ZSWIM6: variants seen among roughly 807,000 people sequenced by gnomAD.
The protein encoded by ZSWIM6 is zinc finger SWIM domain-containing protein 6.
A neutral mutation model predicts 113.2 loss-of-function variants in ZSWIM6; 9 were observed. The ratio of observed to expected loss-of-function variants is 0.08; its 90% CI spans 0.05 to 0.14. The LOEUF (loss-of-function observed/expected upper bound fraction) is 0.14, where lower values mean the gene tolerates loss of function less well. Ranked by LOEUF, ZSWIM6 falls within the 10% of genes least tolerant of loss-of-function variation. The probability of loss-of-function intolerance (pLI) is 1.00; values close to 1 mark genes in which losing one functional copy is unlikely to be tolerated. For synonymous variants in ZSWIM6, 611 were observed against 606.5 expected (o/e 1.01, Z -0.11); for missense variants, 1,162 against 1,552.2 (o/e 0.75, Z 4.22).
rs955690211 is a variant in ZSWIM6 at position 61,472,148 on chromosome 5, C to G, written c.677-533C>G. On this transcript the variant is annotated intron_variant, in intron 1 of 13. Transcript: ENST00000252744. The surrounding 1 kb of genome is among the most constrained non-coding windows in gnomAD (Gnocchi z 4.1). The stretch of plus-strand genomic sequence containing the variant: ...AGGATTGTCAAATTTAAAAATTTAT[C>G]TGATCAAAGTTTGTGGAAGGGACTC... Among the ~76,000 whole-genome samples the G allele has an allele frequency of 5.9e-5, 9 of 152,276 alleles. No individual in the cohort carries two copies. The South Asian group carries it at 1.2e-3, about 21-fold the overall frequency.
intron 1 of ZSWIM6, among the ~76,000 whole-genome samples, chr5:61,363,448 A>C (rs1039007363): frequency 6.6e-6 from 1 of 152,206 alleles, no homozygotes; most frequent in Non-Finnish European, 1.5e-5. Context: ...ACTTCTGCTG[A>C]GTTCACAAAA....
At chr5:61,431,419 C>T (rs973501581) in intron 1 of ZSWIM6, among the ~76,000 whole-genome samples, 4 of 139,818 alleles carry the variant, frequency 2.9e-5, no homozygotes, top group Non-Finnish European at 6.1e-5. Flanking sequence ...GTAAATAAAT[C>T]GTGATCTTTT....
chr5:61,540,031 C>T (rs1749687970), intron 12 of ZSWIM6, among the ~76,000 whole-genome samples: 1 of 152,174 alleles, frequency 6.6e-6, no homozygotes, highest in African/African-American at 2.4e-5. Context: ...GCCTTAACGA[C>T]ACTGTTTCTC....
chr5:61,411,502 C>T (rs1002839222), intron 1 of ZSWIM6, among the ~76,000 whole-genome samples: 2 of 152,228 alleles, frequency 1.3e-5, no homozygotes, highest in African/African-American at 4.8e-5. Context: ...AATAAGAACA[C>T]TTTAAAATTA....
At position 61,476,727 on chromosome 5, in the gene ZSWIM6, C is replaced by T. The variant is rs867568468; in HGVS notation, c.1033+3690C>T. ...TAGATTTCCAAGTACTAACCCCACCCTCGTAGTTAATTAACTTCGTCTTTT... is the reference window on the plus strand; with the variant it reads ...TAGATTTCCAAGTACTAACCCCACCTTCGTAGTTAATTAACTTCGTCTTTT... On this transcript the variant is annotated intron_variant, in intron 2 of 13. Coordinates refer to ENST00000252744, the MANE Select transcript of ZSWIM6 (RefSeq NM_020928.2). Among the ~76,000 whole-genome samples, 3 of 152,280 alleles carry T rather than the reference C, an allele frequency of 2.0e-5. No individual in the cohort carries two copies. The South Asian group carries it at 6.2e-4, about 32-fold the overall frequency.
At chr5:61,457,046 C>T (rs1415650130) in intron 1 of ZSWIM6, among the ~76,000 whole-genome samples, 1 of 151,722 alleles carries the variant, frequency 6.6e-6, no homozygotes, top group Non-Finnish European at 1.5e-5. Context: ...CCAATGCTAT[C>T]CCTCCCCCAT....
intron 2 of ZSWIM6, among the ~76,000 whole-genome samples, chr5:61,489,310 GAT>G (rs1748117489): frequency 6.6e-6 from 1 of 151,974 alleles, no homozygotes; most frequent in African/African-American, 2.4e-5. Context: ...ATTCTCTGAT[GAT>G]AGAGTCTTCC....
chr5:61,410,037 C>G (rs1368661131), intron 1 of ZSWIM6, among the ~76,000 whole-genome samples: 1 of 152,124 alleles, frequency 6.6e-6, no homozygotes, highest in African/African-American at 2.4e-5. Context: ...ACTTATTTGT[C>G]CTTCATGTTG....
chr5:61,359,382 G>A (rs569868639), intron 1 of ZSWIM6, among the ~76,000 whole-genome samples: 2 of 152,244 alleles, frequency 1.3e-5, no homozygotes, highest in East Asian at 1.9e-4. Flanking sequence ...TTTATGCGGT[G>A]AATGACGTGA....
chr5:61,531,264 A>G (rs1749421158), intron 8 of ZSWIM6, among the ~76,000 whole-genome samples: 1 of 152,200 alleles, frequency 6.6e-6, no homozygotes, highest in South Asian at 2.1e-4. Context: ...TATCCCCCAA[A>G]ACGTAAACAT....
chr5:61,516,452 A>G (rs1319465260), intron 4 of ZSWIM6, among the ~76,000 whole-genome samples: 1 of 146,288 alleles, frequency 6.8e-6, no homozygotes, highest in African/African-American at 2.5e-5. Context: ...ACATATATAT[A>G]TATATAAAAA....
At chr5:61,411,903 C>A (rs535102997) in intron 1 of ZSWIM6, among the ~76,000 whole-genome samples, 28 of 152,288 alleles carry the variant, frequency 1.8e-4, no homozygotes, top group African/African-American at 6.5e-4. Flanking sequence ...GATAAGTATG[C>A]AGACCATAGC....
chr5:61,537,816 CCGG>C (rs762325636), intron 10 of ZSWIM6, among the ~76,000 whole-genome samples: 84 of 152,274 alleles, frequency 5.5e-4, no homozygotes, highest in African/African-American at 1.9e-3. Flanking sequence ...TGACTGAAGG[CCGG>C]CATTTTGATG....
At chr5:61,342,808 G>A (rs1328299866) in intron 1 of ZSWIM6, among the ~76,000 whole-genome samples, 1 of 151,920 alleles carries the variant, frequency 6.6e-6, no homozygotes, top group East Asian at 1.9e-4. Context: ...AACCATTTTT[G>A]TGTGTGTGGT....
intron 1 of ZSWIM6, among the ~76,000 whole-genome samples, chr5:61,338,517 A>G (rs1189067401): frequency 6.6e-6 from 1 of 152,138 alleles, no homozygotes; most frequent in Admixed American, 6.5e-5. Context: ...TATGTAAGTG[A>G]TTTTTGAAAG....
chr5:61,493,891 A>G (rs1748250501), intron 3 of ZSWIM6, among the ~76,000 whole-genome samples: 1 of 152,170 alleles, frequency 6.6e-6, no homozygotes, highest in Non-Finnish European at 1.5e-5. Context: ...TTTCTACTGG[A>G]CATATGAAAC....
At position 61,525,953 on chromosome 5, in the gene ZSWIM6, C is replaced by T; in HGVS notation, c.1667C>T (p.Ser556Phe). The change falls in exon 6 of 14, where the codon TCC becomes TTC. Residue 556 changes from serine (S) to phenylalanine (F), a missense_variant. Physicochemically the swap from Ser to Phe is radical, Grantham distance 155. This residue lies in a region of ZSWIM6 where 620 missense variants were observed against 804.6 expected (regional missense o/e 0.77). Coordinates refer to ENST00000252744, the MANE Select transcript of ZSWIM6 (RefSeq NM_020928.2). ...GACACTGAAAACTCCCTCTTCGACT[C>T]CCGCGGGTGGCCCCTCTGGCATGGT... ...HDDTENSLFD[S>F]RGWPLWHEHV... The T allele has an allele frequency of 6.4e-7, 1 of 1,552,158 alleles. No individual in the cohort carries two copies. Among genetic ancestry groups the T allele is most frequent in the Non-Finnish European group, 8.7e-7 (1 of 1,147,048 alleles).
At chr5:61,422,281 A>T (rs555568666) in intron 1 of ZSWIM6, among the ~76,000 whole-genome samples, 2 of 152,176 alleles carry the variant, frequency 1.3e-5, no homozygotes, top group African/African-American at 4.8e-5. Context: ...ATTCTTTTGC[A>T]TATGGATATC....
At chr5:61,453,593 C>T (rs1232840384) in intron 1 of ZSWIM6, among the ~76,000 whole-genome samples, 1 of 152,032 alleles carries the variant, frequency 6.6e-6, no homozygotes, top group African/African-American at 2.4e-5. Context: ...CCAGGCTGGT[C>T]TCAAACTCCT....
Sources: allele counts gnomAD v4.1 joint callset (sites outside exome capture counted in the v4.1 genomes callset), GRCh38; gene constraint gnomAD v4.1.1; regional missense constraint gnomAD v4.1.1; non-coding constraint Gnocchi (gnomAD v3.1); transcripts MANE v1.5; gene names NCBI Gene and HGNC (gene_info 2026-07-23, HGNC 2026-07-21).